PDE1C: variants seen among roughly 807,000 people sequenced by gnomAD.
PDE1C encodes phosphodiesterase 1C.
In PDE1C, 62 loss-of-function variants were observed where a neutral mutation model predicts 93.1. The observed-to-expected ratio is 0.67, with a 90% CI of 0.54 to 0.82. PDE1C has a LOEUF of 0.82. PDE1C is among the 40% of genes least tolerant of loss of function. PDE1C has a pLI of 0.00. For synonymous variants in PDE1C, 325 were observed against 310.1 expected (o/e 1.05, Z -0.50); for missense variants, 742 against 884.6 (o/e 0.84, Z 2.04).
At chr7:32,123,320 C>T (rs541515156) in intron 3 of PDE1C, among the ~76,000 whole-genome samples, 15 of 152,208 alleles carry the variant, frequency 9.9e-5, no homozygotes, top group African/African-American at 2.9e-4. Context: ...TGAAACTATT[C>T]CAAACAACTA....
rs201169414 is a variant in PDE1C, at chr7:31,775,708, G to A, written c.1916C>T (p.Ser639Leu). ...CGTGGAGCTGGTGCTTGGGGCTGGT[G>A]AGCCGTGAGAACGCTGTTTTGTGCC... ...TDGTKQRSHG[S>L]PAPSTSSTCR... is the part of the protein sequence containing the mutation. Residue 639 changes from serine (S) to leucine (L), a missense_variant, in exon 17 of 18, where the codon TCA becomes TTA. Physicochemically the swap from Ser to Leu is moderately radical, Grantham distance 145. Transcript: ENST00000396191. The A allele has an allele frequency of 5.6e-6, 9 of 1,612,872 alleles. No homozygotes were observed. Among genetic ancestry groups the A allele is most frequent in the Non-Finnish European group, 7.6e-6 (9 of 1,179,858 alleles).
At chr7:32,025,108 CAAAGCACACAGAGCAG>C (rs761311562) in intron 2 of PDE1C, among the ~76,000 whole-genome samples, 10 of 152,218 alleles carry the variant, frequency 6.6e-5, no homozygotes, top group Non-Finnish European at 1.3e-4. Flanking sequence ...CCCCCAGGGT[CAAAGCACACAGAGCAG>C]AATCTGGGCC....
chr7:32,143,508 C>T (rs1357430241), intron 3 of PDE1C, among the ~76,000 whole-genome samples: 4 of 152,002 alleles, frequency 2.6e-5, no homozygotes, highest in Non-Finnish European at 4.4e-5. Flanking sequence ...AGCTTCTCTT[C>T]TTGCCATTCC....
At chr7:32,402,567 G>A (rs1357002321) in intron 1 of PDE1C, among the ~76,000 whole-genome samples, 1 of 152,116 alleles carries the variant, frequency 6.6e-6, no homozygotes, top group Admixed American at 6.5e-5. Flanking sequence ...TGGTGAGGGT[G>A]ATCTTCTTTA....
intron 2 of PDE1C, among the ~76,000 whole-genome samples, chr7:32,194,169 C>G (rs1412487356): frequency 6.6e-6 from 1 of 152,146 alleles, no homozygotes; most frequent in Non-Finnish European, 1.5e-5. Context: ...CCGCCTCGGC[C>G]TCCCAAAGTG....
At chr7:32,334,464 G>A (rs1482031502) in intron 1 of PDE1C, among the ~76,000 whole-genome samples, 1 of 152,006 alleles carries the variant, frequency 6.6e-6, no homozygotes. Context: ...GGTTATTGGG[G>A]TACAGGTGGT....
chr7:31,846,508 C>T (rs1583582269), intron 9 of PDE1C, among the ~76,000 whole-genome samples: 1 of 151,984 alleles, frequency 6.6e-6, no homozygotes. Context: ...TAAAGTAAGA[C>T]CTAAAACCAT....
chr7:32,073,990 A>G (rs1424349922), upstream of PDE1C, among the ~76,000 whole-genome samples: 1 of 152,092 alleles, frequency 6.6e-6, no homozygotes, highest in East Asian at 1.9e-4. Context: ...ATGCATATAG[A>G]CATGCATACA....
chr7:32,385,053 A>G (rs1317450366), intron 1 of PDE1C, among the ~76,000 whole-genome samples: 1 of 152,192 alleles, frequency 6.6e-6, no homozygotes, highest in Non-Finnish European at 1.5e-5. Flanking sequence ...AAATAAGCAG[A>G]GTTGGGATAT....
chr7:31,786,442 C>T (rs1226454529), intron 16 of PDE1C: 2 of 152,120 alleles, frequency 1.3e-5, no homozygotes, highest in Admixed American at 1.3e-4. Context: ...GGTATGCCTG[C>T]ATATACTTAG....
chr7:32,296,946 T>C (rs901838480), intron 1 of PDE1C, among the ~76,000 whole-genome samples: 4 of 152,184 alleles, frequency 2.6e-5, no homozygotes, highest in African/African-American at 7.2e-5. Flanking sequence ...CCTAAATAAC[T>C]GATTCAAGGC....
chr7:32,237,490 T>A (rs1381781548), intron 1 of PDE1C, among the ~76,000 whole-genome samples: 1 of 152,046 alleles, frequency 6.6e-6, no homozygotes, highest in Non-Finnish European at 1.5e-5. Context: ...TCCATACTCT[T>A]ACTCTGGTGG....
the PDE1C span, among the ~76,000 whole-genome samples, chr7:31,719,965 A>G: frequency 6.6e-6 from 1 of 151,924 alleles, no homozygotes; most frequent in Admixed American, 6.6e-5. Context: ...GATCGAGACC[A>G]TCCTGGCTAA....
chr7:31,659,944 C>T, the PDE1C span, among the ~76,000 whole-genome samples: 18 of 152,228 alleles, frequency 1.2e-4, no homozygotes, highest in Non-Finnish European at 1.6e-4. Context: ...CGGAGGGAAC[C>T]GGTGGGAGGT....
At chr7:32,298,724 G>T (rs1450908591) in exon 1 of PDE1C, 6 of 1,602,348 alleles carry the variant, frequency 3.7e-6, no homozygotes, top group Non-Finnish European at 5.1e-6. Flanking sequence ...TCCTGTTGCC[G>T]GCGTCCGTCA....
chr7:31,645,881 G>C, the PDE1C span, among the ~76,000 whole-genome samples: 1 of 152,122 alleles, frequency 6.6e-6, no homozygotes. Context: ...TAGTGTCAAG[G>C]CTGTAAAACT....
In PDE1C at chr7:31,943,392, C is replaced by T. The variant is rs60717342; in HGVS notation, c.129-62532G>A. Among the ~76,000 whole-genome samples the T allele has an allele frequency of 2.4e-3, 373 of 152,258 alleles. 2 individuals are homozygous for T. The highest frequency in any genetic ancestry group is 8.6e-3 in the African/African-American group (358 of 41,528). On this transcript the variant is annotated intron_variant, in intron 2 of 17. Coordinates refer to ENST00000396191, the MANE Select transcript of PDE1C (RefSeq NM_001191057.4). ...GGCCACTAGCCTGGCATGGCCACTC[C>T]AGAGAATTGGTTCTACTGGAAGTTT...
chr7:32,420,132 C>T (rs9691935), intron 1 of PDE1C, among the ~76,000 whole-genome samples: 852 of 15,534 alleles, frequency 0.055, 104 homozygotes, highest in Non-Finnish European at 0.074. Flanking sequence ...TATACACACA[C>T]ACACACACAC....
chr7:31,850,516 T>A, intron 8 of PDE1C, 125 bp downstream of exon 8: 1 of 686,466 alleles, frequency 1.5e-6, no homozygotes, highest in Non-Finnish European at 2.7e-6. Flanking sequence ...CATTTAGAGG[T>A]TCATTGTTTC....
Sources: gnomAD v4.1 joint callset for allele counts (sites outside exome capture counted in the v4.1 genomes callset) on GRCh38, gnomAD v4.1.1 for gene constraint, MANE v1.5 for transcripts, NCBI Gene and HGNC (gene_info 2026-07-23, HGNC 2026-07-21) for gene names.